Variants in SLC5A10 observed in about 807,000 individuals in gnomAD.
SLC5A10 encodes the protein sodium/mannose cotransporter SLC5A10.
In SLC5A10, 55 loss-of-function variants were observed where a neutral mutation model predicts 68.9. The ratio of observed to expected loss-of-function variants is 0.80; its 90% CI spans 0.64 to 1.00. The LOEUF is 1.00. SLC5A10 is among the 50% of genes least tolerant of loss of function. SLC5A10 has a pLI of 0.00. For synonymous variants in SLC5A10, 344 were observed against 344.8 expected (o/e 1.00, Z 0.02); for missense variants, 732 against 819.3 (o/e 0.89, Z 1.30).
At chr17:19,016,729 G>A (rs1165365188) in intron 11 of SLC5A10, among the ~76,000 whole-genome samples, 2 of 152,158 alleles carry the variant, frequency 1.3e-5, no homozygotes, top group Non-Finnish European at 2.9e-5. Flanking sequence ...CTGTGTCCTG[G>A]GCACTTGGCC....
chr17:18,976,830 C>A (rs772217660), intron 8 of SLC5A10, 24 bp from the exon 9 acceptor site: 5 of 1,611,532 alleles, frequency 3.1e-6, no homozygotes, highest in African/African-American at 2.7e-5. Flanking sequence ...CTTGGACTCA[C>A]CCCGTCTCGC....
chr17:18,979,001 G>A, intron 9 of SLC5A10: 6 of 842,160 alleles, frequency 7.1e-6, no homozygotes, highest in Non-Finnish European at 1.1e-5. Flanking sequence ...GCATACTGTG[G>A]GGTCAGACTG....
At chr17:18,993,600 A>C (rs2043487046) in intron 9 of SLC5A10, among the ~76,000 whole-genome samples, 2 of 152,206 alleles carry the variant, frequency 1.3e-5, no homozygotes, top group South Asian at 4.1e-4. Flanking sequence ...AGCCTGCCCC[A>C]GAACCTGGAG....
rs527963885 is a variant in SLC5A10 at position 19,006,007 on chromosome 17, TC to T, written c.983-7400del. 2.0e-4 allele frequency among the ~76,000 whole-genome samples: 31 copies of T among 152,294 alleles called. No homozygotes were observed. In the South Asian group the frequency reaches 4.1e-3, roughly 20 times the overall value. ...ACCTTCTCTGAGCCGCCTCAGCTTC[TC>T]CCTGTGTTCTTACCAATGCACAGAG... is the stretch of plus-strand genomic sequence containing the variant. On this transcript the variant is annotated intron_variant, in intron 9 of 14. Coordinates refer to ENST00000395645, the MANE Select transcript of SLC5A10 (RefSeq NM_001042450.4).
chr17:19,010,276 G>A (rs1451127120), intron 9 of SLC5A10, among the ~76,000 whole-genome samples: 2 of 152,168 alleles, frequency 1.3e-5, no homozygotes, highest in African/African-American at 4.8e-5. Flanking sequence ...CATGGGGAGG[G>A]AAGACAAGGG....
rs1468864190 is a variant in SLC5A10 at position 18,969,144 on chromosome 17, G to A, written c.546G>A (p.Leu182=). ...STILTLGITA[L]YTIAGGLAAV... ...TCCTCACGCTCGGCATCACAGCCCT[G>A]TACACCATCGCAGGTATGGTGCCTG... The change falls in exon 6 of 15, where the codon CTG becomes CTA. Residue 182 remains leucine, a synonymous_variant. Transcript: ENST00000395645. 31 of 1,613,830 alleles carry A rather than the reference G, an allele frequency of 1.9e-5. No homozygotes were observed. In the Admixed American group the frequency reaches 5.2e-4, roughly 27 times the overall value.
chr17:18,993,653 C>T (rs925536087), intron 9 of SLC5A10, among the ~76,000 whole-genome samples: 1 of 152,210 alleles, frequency 6.6e-6, no homozygotes, highest in Admixed American at 6.5e-5. Context: ...CAGACAAGTC[C>T]CTAGGCCTCT....
At position 18,960,564 on chromosome 17, in the gene SLC5A10, A is replaced by T. The variant is rs2042592513; in HGVS notation, c.365A>T (p.Glu122Val). 1 of 1,614,062 alleles carries T rather than the reference A, an allele frequency of 6.2e-7. No homozygotes were observed. Among genetic ancestry groups the T allele is most frequent in the African/African-American group, 1.3e-5 (1 of 75,026 alleles). The change falls in exon 5 of 15, where the codon GAG (glutamate) becomes GTG (valine). Residue 122 changes from glutamate to valine, a missense_variant. Transcript: ENST00000395645. Reference sequence around the variant, plus strand: ...CCTTCCCAGATCGTCACCTTACCTGAGTACATTCAGAAGCGCTACGGGGGC... The same window carrying T: ...CCTTCCCAGATCGTCACCTTACCTGTGTACATTCAGAAGCGCTACGGGGGC... ...YISSEIVTLP[E>V]YIQKRYGGQR...
intron 3 of SLC5A10, 95 bp downstream of exon 3, chr17:18,959,334 C>A: frequency 7.5e-7 from 1 of 1,329,178 alleles, no homozygotes; most frequent in Non-Finnish European, 1.1e-6. Flanking sequence ...CTGGTGTCAG[C>A]CGATGTCCAG....
At chr17:18,960,702 C>A in intron 5 of SLC5A10, 50 bp downstream of exon 5, 1 of 1,537,516 alleles carries the variant, frequency 6.5e-7, no homozygotes, top group Non-Finnish European at 9.0e-7. Context: ...CATCGCCAAT[C>A]TGTGGGCCCC....
At position 18,971,418 on chromosome 17, in the gene SLC5A10, A is replaced by T; in HGVS notation, c.846+200A>T. ...CTCCGTTTAGAATCCGATGAGGCCC[A>T]CTGGCTACCGCCCGTCCTGGCCTTT... is the stretch of plus-strand genomic sequence containing the variant. On this transcript the variant is annotated intron_variant, in intron 8 of 14. Coordinates refer to ENST00000395645, the MANE Select transcript of SLC5A10 (RefSeq NM_001042450.4). The surrounding 1 kb of genome is among the most constrained non-coding windows in gnomAD (Gnocchi z 5.5). 1 of 1,613,800 alleles carries T rather than the reference A, an allele frequency of 6.2e-7. No homozygotes were observed. Among genetic ancestry groups the T allele is most frequent in the Non-Finnish European group, 8.5e-7 (1 of 1,180,006 alleles).
intron 9 of SLC5A10, 126 bp from the exon 10 acceptor site, chr17:19,013,284 A>G: frequency 1.4e-6 from 2 of 1,475,652 alleles, no homozygotes; most frequent in Non-Finnish European, 1.8e-6. Context: ...CCCAAGGCCA[A>G]ATGGTAACAG....
intron 11 of SLC5A10, among the ~76,000 whole-genome samples, chr17:19,016,397 A>G (rs2044142295): frequency 6.6e-6 from 1 of 151,746 alleles, no homozygotes; most frequent in Non-Finnish European, 1.5e-5. Flanking sequence ...GCACGTGTCT[A>G]TTTGCGCCCT....
At chr17:18,957,433 T>G (rs1453021915) in intron 1 of SLC5A10, among the ~76,000 whole-genome samples, 1 of 152,168 alleles carries the variant, frequency 6.6e-6, no homozygotes, top group Non-Finnish European at 1.5e-5. Flanking sequence ...ATTTACATAA[T>G]ATACAATTCA....
In SLC5A10 at chr17:19,019,575, G is replaced by T; in HGVS notation, c.1394G>T (p.Arg465Leu). 1 of 1,611,682 alleles carries T rather than the reference G, an allele frequency of 6.2e-7. No individual in the cohort carries two copies. The highest frequency in any genetic ancestry group is 8.5e-7 in the Non-Finnish European group (1 of 1,179,918). Residue 465 changes from arginine (R) to leucine (L), a missense_variant, in exon 12 of 15, where the codon CGA becomes CTA. Arg to Leu is a moderately radical substitution (Grantham distance 102). Transcript: ENST00000395645. ...TAVFVLGVFW[R>L]RANEQGAFWG... ...GTCTTTGTCCTGGGCGTCTTCTGGC[G>T]ACGTGCCAACGAGCAGGTGGGCGTC...
In SLC5A10 at chr17:19,018,833, C is replaced by G. The variant is rs573767824; in HGVS notation, c.1242-590C>G. 2.0e-5 allele frequency: 3 copies of G among 152,606 alleles called. No individual in the cohort carries two copies. The highest frequency in any genetic ancestry group is 2.0e-4 in the Admixed American group (3 of 15,308). 9.5% of individuals were successfully genotyped at this position (152,606 alleles called of 1,614,324 possible). A position where few individuals can be genotyped will look rare whatever the true frequency, so the allele number is the denominator to read the frequency against. Reference sequence around the variant, plus strand: ...CAGGGCTGTCGGGGTGGGGATGTGCCAGCCAGAGGTCCCAGCTCCCACAAA... The same window carrying G: ...CAGGGCTGTCGGGGTGGGGATGTGCGAGCCAGAGGTCCCAGCTCCCACAAA... On this transcript the variant is annotated intron_variant, in intron 11 of 14. Coordinates refer to ENST00000395645, the MANE Select transcript of SLC5A10 (RefSeq NM_001042450.4). The surrounding 1 kb of genome is among the most constrained non-coding windows in gnomAD (Gnocchi z 4.2).
Position 19,013,520 on chromosome 17 carries a change from G to T in SLC5A10, c.1090+3G>T. 6.8e-7 allele frequency: 1 copy of T among 1,471,364 alleles called. No individual in the cohort carries two copies. Among genetic ancestry groups the T allele is most frequent in the East Asian group, 2.4e-5 (1 of 41,498 alleles). 91.1% of individuals were successfully genotyped at this position (1,471,364 alleles called of 1,614,324 possible). On this transcript the variant is annotated splice_donor_region_variant and intron_variant, in intron 10 of 14. Coordinates refer to ENST00000395645, the MANE Select transcript of SLC5A10 (RefSeq NM_001042450.4). ...GGTCATGGAACTGATGCCCATCGGTGAGGCTGTGTGGGTGGGGGTCTGGGT... is the reference window on the plus strand; with the variant it reads ...GGTCATGGAACTGATGCCCATCGGTTAGGCTGTGTGGGTGGGGGTCTGGGT...
chr17:18,974,865 G>A (rs1184971716), intron 8 of SLC5A10, among the ~76,000 whole-genome samples: 2 of 152,180 alleles, frequency 1.3e-5, no homozygotes, highest in Non-Finnish European at 2.9e-5. Flanking sequence ...CTAGACACCA[G>A]TGCTGGGAGG....
At chr17:18,973,005 G>A (rs2042893575) in intron 8 of SLC5A10, among the ~76,000 whole-genome samples, 1 of 152,226 alleles carries the variant, frequency 6.6e-6, no homozygotes, top group Non-Finnish European at 1.5e-5. Flanking sequence ...CTCACAAGCT[G>A]CCCACATCCG....
Sources: allele counts gnomAD v4.1 joint callset (sites outside exome capture counted in the v4.1 genomes callset), GRCh38; gene constraint gnomAD v4.1.1; non-coding constraint Gnocchi (gnomAD v3.1); transcripts MANE v1.5; gene names NCBI Gene and HGNC (gene_info 2026-07-23, HGNC 2026-07-21).